The following PLD2 variants were observed in gnomAD, a reference collection of about 807,000 sequenced individuals.
PLD2 encodes choline phosphatase 2.
In PLD2, 101 loss-of-function variants were observed where a neutral mutation model predicts 119.8. The observed-to-expected ratio is 0.84, with a 90% CI of 0.72 to 0.99. PLD2 has a LOEUF of 0.99. Ranked by LOEUF, PLD2 falls within the 50% of genes least tolerant of loss-of-function variation. PLD2 has a pLI of 0.00. For missense variants in PLD2, 1,164 were observed against 1,226.8 expected, an observed-to-expected ratio of 0.95 and a Z score of 0.76; for synonymous variants, 494 against 482.8, an observed-to-expected ratio of 1.02 and a Z score of -0.30.
At chr17:4,814,854 A>G (rs766721925) in intron 12 of PLD2, 143 bp downstream of exon 12, 78 of 734,694 alleles carry the variant, frequency 1.1e-4, no homozygotes, top group Middle Eastern at 3.4e-4. Flanking sequence ...CCTGTCAGAC[A>G]TCACCTCCGC....
rs1906215241 is a variant in PLD2, at chr17:4,809,503, T to A, written c.566T>A (p.Leu189Gln). ...TGTTTTCCTCTGCAGACAGAGTTCC[T>A]GGAAGTCAGTCAGCTGTCCTTTATC... ...YRNYHAMTEF[L>Q]EVSQLSFIPD... The change falls in exon 7 of 25, where the codon CTG becomes CAG. Residue 189 changes from leucine to glutamine, a missense_variant. Transcript: ENST00000263088. The A allele has an allele frequency of 6.2e-7, 1 of 1,607,572 alleles. No homozygotes were observed.
chr17:4,818,928 C>G, intron 21 of PLD2, 105 bp downstream of exon 21: 1 of 1,484,866 alleles, frequency 6.7e-7, no homozygotes, highest in Non-Finnish European at 9.3e-7. Context: ...TCCTGTGAGC[C>G]TCTGACGCTA....
rs142374815 is a variant in PLD2, at chr17:4,822,741, G to A, written c.2679G>A (p.Arg893=). The change falls in exon 25 of 25, where the codon CGG becomes CGA. Residue 893 remains arginine (R), a synonymous_variant. Coordinates refer to ENST00000263088, the MANE Select transcript of PLD2 (RefSeq NM_002663.5). ...CCACGGTCAGTCCCCCCTTGGCTCGGTCTGAGCTCACCCAGGTCCAGGGCC... is the reference window on the plus strand; with the variant it reads ...CCACGGTCAGTCCCCCCTTGGCTCGATCTGAGCTCACCCAGGTCCAGGGCC... The part of the protein sequence containing the change: ...PLATVSPPLA[R]SELTQVQGHL... 1 of 1,614,082 alleles carries A rather than the reference G, an allele frequency of 6.2e-7. No homozygotes were observed. The highest frequency in any genetic ancestry group is 8.5e-7 in the Non-Finnish European group (1 of 1,179,936).
chr17:4,818,798 A>G lies in PLD2; in HGVS notation c.2148A>G (p.Ser716=), dbSNP rs749180097. 7 of 1,613,918 alleles carry G rather than the reference A, an allele frequency of 4.3e-6. No individual in the cohort carries two copies. The African/African-American group carries it at 5.3e-5, about 12-fold the overall frequency. ...TYRTLCRGEY[S]ILHRLKAAMG... is the part of the protein sequence containing the mutation. ...GGACCCTGTGTCGTGGGGAGTATTC[A>G]ATCCTGCATCGCCTTAAAGCAGCCA... Residue 716 remains serine, a synonymous_variant, in exon 21 of 25, where the codon TCA becomes TCG. Coordinates refer to ENST00000263088, the MANE Select transcript of PLD2 (RefSeq NM_002663.5).
rs749024767 is a variant in PLD2 at position 4,807,747 on chromosome 17, C to G, written c.-1-25C>G. ...GCGGGTTCTGCAGGACAGCTCGCCTCCCTGAGGCTTCCCAATGTTCCTAGG... is the reference window on the plus strand; with the variant it reads ...GCGGGTTCTGCAGGACAGCTCGCCTGCCTGAGGCTTCCCAATGTTCCTAGG... On this transcript the variant is annotated intron_variant, in intron 1 of 24. Coordinates refer to ENST00000263088, the MANE Select transcript of PLD2 (RefSeq NM_002663.5). This position sits in a 1 kb window ranked among gnomAD's most constrained non-coding sequence, Gnocchi z 5.4. 6.5e-6 allele frequency: 9 copies of G among 1,383,536 alleles called. No individual in the cohort carries two copies. The highest frequency in any genetic ancestry group is 9.2e-6 in the Non-Finnish European group (9 of 982,232). 85.7% of individuals were successfully genotyped at this position (1,383,536 alleles called of 1,614,324 possible).
In PLD2 at chr17:4,817,201, C is replaced by T. The variant is rs745444968; in HGVS notation, c.1757C>T (p.Thr586Ile). ...PTYPYLLPKSTSTANQLPFTL... is the reference protein window; with the variant it reads ...PTYPYLLPKSISTANQLPFTL... ...TACCCCTACCTGCTTCCCAAGTCTA[C>T]CAGCACGGCCAATCAGCTCCCCTTC... The change falls in exon 17 of 25, where the codon ACC becomes ATC. Residue 586 changes from threonine (T) to isoleucine (I), a missense_variant. Coordinates refer to ENST00000263088, the MANE Select transcript of PLD2 (RefSeq NM_002663.5). 1.1e-5 allele frequency: 17 copies of T among 1,613,926 alleles called. No individual in the cohort carries two copies. The Admixed American group carries it at 2.8e-4, about 27-fold the overall frequency.
intron 24 of PLD2, 90 bp downstream of exon 24, chr17:4,821,997 C>T (rs1471335233): frequency 1.5e-5 from 12 of 807,606 alleles, no homozygotes; most frequent in African/African-American, 3.4e-5. Flanking sequence ...CGCCACCATA[C>T]AGTCATTATT....
In PLD2 at chr17:4,819,508, G is replaced by T. The variant is rs148010172; in HGVS notation, c.2388G>T (p.Thr796=). ...CCGTGCTGATCGAGGACACAGAGAC[G>T]GAACCATCCCTCATGAATGGGGCAG... The part of the protein sequence containing the change: ...ELAVLIEDTE[T]EPSLMNGAEY... The change falls in exon 23 of 25, where the codon ACG becomes ACT. Residue 796 remains threonine (T), a synonymous_variant. Transcript: ENST00000263088. The surrounding 1 kb of genome is among the most constrained non-coding windows in gnomAD (Gnocchi z 4.2). The T allele has an allele frequency of 3.1e-6, 5 of 1,614,084 alleles. No individual in the cohort carries two copies. The highest frequency in any genetic ancestry group is 2.2e-5 in the South Asian group (2 of 91,080).
chr17:4,813,656 C>G (rs1188603989), intron 10 of PLD2, among the ~76,000 whole-genome samples: 1 of 152,134 alleles, frequency 6.6e-6, no homozygotes, highest in Non-Finnish European at 1.5e-5. Flanking sequence ...GTCAGGAGTT[C>G]AAGACCAACC....
In PLD2 at chr17:4,807,400, C is replaced by T. The variant is rs1003641112; in HGVS notation, c.-2+175C>T. ...TTCCCGCCTGGACCCCTGCCCCCGGCCCGCCTGGCCTGGCGTGAGCCCCGT... is the reference window on the plus strand; with the variant it reads ...TTCCCGCCTGGACCCCTGCCCCCGGTCCGCCTGGCCTGGCGTGAGCCCCGT... On this transcript the variant is annotated intron_variant, in intron 1 of 24. Transcript: ENST00000263088. The surrounding 1 kb of genome is among the most constrained non-coding windows in gnomAD (Gnocchi z 5.4). Among the ~76,000 whole-genome samples, 1 of 152,118 alleles carries T rather than the reference C, an allele frequency of 6.6e-6. No individual in the cohort carries two copies. The highest frequency in any genetic ancestry group is 2.4e-5 in the African/African-American group (1 of 41,444).
In PLD2 at chr17:4,816,633, G is replaced by C. The variant is rs770743350; in HGVS notation, c.1469G>C (p.Arg490Pro). ...TTCCCCCTACAGCCTCCCACCCCGC[G>C]CCCAGACTCACCAGCCACCCCAGAC... ...ESAASQPPTP[R>P]PDSPATPDLS... Residue 490 changes from arginine (R) to proline (P), a missense_variant, in exon 15 of 25, where the codon CGC becomes CCC. Transcript: ENST00000263088. 1 of 1,613,514 alleles carries C rather than the reference G, an allele frequency of 6.2e-7. No homozygotes were observed. The highest frequency in any genetic ancestry group is 1.1e-5 in the South Asian group (1 of 91,056).
intron 10 of PLD2, among the ~76,000 whole-genome samples, chr17:4,813,262 G>A (rs373306595): frequency 4.6e-5 from 7 of 152,102 alleles, no homozygotes; most frequent in African/African-American, 1.2e-4. Flanking sequence ...CACCCGCTTC[G>A]GCTTCCCAAA....
intron 17 of PLD2, chr17:4,817,498 TA>T (rs1303273814): frequency 9.9e-6 from 5 of 507,114 alleles, no homozygotes; most frequent in African/African-American, 7.8e-5. Flanking sequence ...CCATCTCTAC[TA>T]AAAATACAAA....
chr17:4,811,288 T>C (rs916556071), intron 10 of PLD2, among the ~76,000 whole-genome samples: 15 of 128,052 alleles, frequency 1.2e-4, no homozygotes, highest in Non-Finnish European at 1.7e-4. Context: ...TTAATAAACA[T>C]TTTCTTTTCT....
Position 4,817,151 on chromosome 17 carries a change from C to T in PLD2, c.1707C>T (p.Thr569=). ...CTGCCATCCCTCCACGTCAGACCAC[C>T]AAGGCCAAGTACAAGACTCCCACAT... is the stretch of plus-strand genomic sequence containing the variant. ...FIQRWNFTKT[T]KAKYKTPTYP... The change falls in exon 17 of 25, where the codon ACC becomes ACT. Residue 569 remains threonine (T), a synonymous_variant. Coordinates refer to ENST00000263088, the MANE Select transcript of PLD2 (RefSeq NM_002663.5). 8.7e-6 allele frequency: 14 copies of T among 1,612,506 alleles called. No homozygotes were observed. The highest frequency in any genetic ancestry group is 1.2e-5 in the Non-Finnish European group (14 of 1,178,512).
chr17:4,817,512 A>C, intron 17 of PLD2: 1 of 478,750 alleles, frequency 2.1e-6, no homozygotes, highest in Non-Finnish European at 3.8e-6. Flanking sequence ...AATACAAAAA[A>C]TTAGCCGGGC....
At position 4,809,239 on chromosome 17, in the gene PLD2, T is replaced by A. The variant is rs746102993; in HGVS notation, c.489+34T>A. The A allele has an allele frequency of 3.1e-6, 5 of 1,611,192 alleles. No homozygotes were observed. In the South Asian group the frequency reaches 5.5e-5, roughly 18 times the overall value. ...AGATGCCAGGTCCTCCGGGAAGGCA[T>A]TGGAGGTGCAAATGGCTCGGTCCCA... On this transcript the variant is annotated intron_variant, in intron 5 of 24. Transcript: ENST00000263088.
Position 4,807,818 on chromosome 17 carries a change from G to C in PLD2, c.46G>C (p.Asp16His). 6.2e-7 allele frequency: 1 copy of C among 1,612,962 alleles called. No homozygotes were observed. The highest frequency in any genetic ancestry group is 2.2e-5 in the East Asian group (1 of 44,860). ...ESLFPTGDEL[D>H]SSQLQMESDE... ...CCTCTTCCCCACTGGGGACGAACTG[G>C]ACTCCAGCCAGCTCCAGATGGAGTC... Residue 16 changes from aspartate to histidine, a missense_variant, in exon 2 of 25, where the codon GAC (aspartate) becomes CAC (histidine). Asp to His is a moderately conservative substitution (Grantham distance 81, BLOSUM62 -1). Coordinates refer to ENST00000263088, the MANE Select transcript of PLD2 (RefSeq NM_002663.5). This position sits in a 1 kb window ranked among gnomAD's most constrained non-coding sequence, Gnocchi z 5.4.
intron 12 of PLD2, 38 bp from the exon 13 acceptor site, chr17:4,815,438 G>A: frequency 8.0e-7 from 1 of 1,252,472 alleles, no homozygotes. Flanking sequence ...GCTACTCTGG[G>A]AGAGGCACTA....
Sources: gnomAD v4.1 joint callset for allele counts (sites outside exome capture counted in the v4.1 genomes callset) on GRCh38, gnomAD v4.1.1 for gene constraint, Gnocchi (gnomAD v3.1) non-coding constraint, MANE v1.5 for transcripts, NCBI Gene and HGNC (gene_info 2026-07-23, HGNC 2026-07-21) for gene names.